The following MED12L variants were observed in gnomAD, a reference collection of about 807,000 sequenced individuals.
The protein encoded by MED12L is mediator complex subunit 12L.
MED12L carries 60 observed loss-of-function variants against 281.3 expected under a neutral mutation model. The ratio of observed to expected loss-of-function variants is 0.21; its 90% CI spans 0.17 to 0.26. The LOEUF (loss-of-function observed/expected upper bound fraction) is 0.26, where lower values mean the gene tolerates loss of function less well. Among genes scored for constraint, MED12L ranks in the 10% least tolerant of loss-of-function variants. The probability of loss-of-function intolerance (pLI) is 1.00; values close to 1 mark genes in which losing one functional copy is unlikely to be tolerated. For synonymous variants in MED12L, 974 were observed against 987.2 expected (o/e 0.99, Z 0.25); for missense variants, 2,146 against 2,680.9 (o/e 0.80, Z 4.41).
rs201616670 is a variant in MED12L at position 151,416,299 on chromosome 3, A to G, written c.6298-13A>G. 15 of 1,612,692 alleles carry G rather than the reference A, an allele frequency of 9.3e-6. No individual in the cohort carries two copies. The East Asian group carries it at 2.9e-4, about 31-fold the overall frequency. ...TTCCTTTTAAGTGTATAACATTTTT[A>G]CCCTCTTTCCAGATGCAGCAGCCCC... On this transcript the variant is annotated splice_polypyrimidine_tract_variant and intron_variant, in intron 42 of 44. Transcript: ENST00000687756.
chr3:151,348,374 A>G (rs1752812726), intron 16 of MED12L, among the ~76,000 whole-genome samples: 1 of 146,730 alleles, frequency 6.8e-6, no homozygotes, highest in African/African-American at 2.5e-5. Flanking sequence ...GAAAAAAGAA[A>G]TATATCAGTA....
chr3:151,198,272 A>G, intron 16 of MED12L: 2 of 555,074 alleles, frequency 3.6e-6, no homozygotes, highest in Non-Finnish European at 6.0e-6. Flanking sequence ...TGCATTTAGA[A>G]ACAGGATTTC....
chr3:151,350,256 C>G (rs1753056072), intron 17 of MED12L, 50 bp downstream of exon 17: 1 of 1,582,616 alleles, frequency 6.3e-7, no homozygotes. Flanking sequence ...TTTGCCTTCC[C>G]TCTGAGCACA....
At chr3:151,250,659 T>C (rs1736677704) in intron 16 of MED12L, among the ~76,000 whole-genome samples, 1 of 152,236 alleles carries the variant, frequency 6.6e-6, no homozygotes, top group African/African-American at 2.4e-5. Context: ...ACATTTTGTT[T>C]ATTCATCTGT....
At chr3:151,349,191 A>G (rs1213979925) in intron 16 of MED12L, among the ~76,000 whole-genome samples, 1 of 152,164 alleles carries the variant, frequency 6.6e-6, no homozygotes, top group Non-Finnish European at 1.5e-5. Flanking sequence ...TGGCTGAGGA[A>G]TGTGTTCAGT....
Position 151,156,104 on chromosome 3 carries a change from G to A in MED12L, c.557-57G>A, listed in dbSNP as rs1021389085. 6 of 1,399,406 alleles carry A rather than the reference G, an allele frequency of 4.3e-6. No individual in the cohort carries two copies. The African/African-American group carries it at 7.2e-5, about 17-fold the overall frequency. 86.7% of individuals were successfully genotyped at this position (1,399,406 alleles called of 1,614,324 possible). A position where few individuals can be genotyped will look rare whatever the true frequency, so the allele number is the denominator to read the frequency against. ...ATAATCAGAATGGGGAAGAAAACATGTAATTCTTGTACCCATTGTGTCTAG... is the reference window on the plus strand; with the variant it reads ...ATAATCAGAATGGGGAAGAAAACATATAATTCTTGTACCCATTGTGTCTAG... On this transcript the variant is annotated intron_variant, in intron 5 of 44. Coordinates refer to ENST00000687756, the MANE Select transcript of MED12L (RefSeq NM_001393769.1).
At chr3:151,106,884 C>T (rs1447796888) in intron 2 of MED12L, among the ~76,000 whole-genome samples, 1 of 152,128 alleles carries the variant, frequency 6.6e-6, no homozygotes, top group African/African-American at 2.4e-5. Flanking sequence ...TCATCCATTT[C>T]CTATCAACTT....
At chr3:151,420,259 G>A (rs1334498092) in intron 43 of MED12L, among the ~76,000 whole-genome samples, 1 of 152,108 alleles carries the variant, frequency 6.6e-6, no homozygotes, top group East Asian at 1.9e-4. Flanking sequence ...TTGATAGTCC[G>A]GGTCAGTCAC....
intron 16 of MED12L, among the ~76,000 whole-genome samples, chr3:151,274,327 G>A (rs1741492356): frequency 6.6e-6 from 1 of 152,178 alleles, no homozygotes; most frequent in South Asian, 2.1e-4. Context: ...ATCAAACTCA[G>A]TGATAACAGG....
intron 16 of MED12L, among the ~76,000 whole-genome samples, chr3:151,253,998 T>TG (rs1293402035): frequency 9.1e-6 from 1 of 109,914 alleles, no homozygotes; most frequent in Non-Finnish European, 2.0e-5. Context: ...GATTTTTTCT[T>TG]GTTTTTTTTT....
intron 16 of MED12L, chr3:151,329,030 C>A: frequency 6.6e-7 from 1 of 1,514,366 alleles, no homozygotes; most frequent in Non-Finnish European, 8.9e-7. Context: ...AACATATATA[C>A]AAACAAAAGA....
intron 27 of MED12L, 96 bp from the exon 28 acceptor site, chr3:151,375,930 T>C (rs1334875012): frequency 3.1e-6 from 2 of 644,994 alleles, no homozygotes; most frequent in East Asian, 6.6e-5. Flanking sequence ...TTCCTATCAG[T>C]TTTCTATTCA....
intron 16 of MED12L, among the ~76,000 whole-genome samples, chr3:151,219,893 C>A (rs1434601489): frequency 2.3e-4 from 1 of 4,402 alleles, no homozygotes; most frequent in African/African-American, 7.5e-4. Flanking sequence ...TTTATATTAC[C>A]CCCCCCCCCC....
In MED12L at chr3:151,363,097, C is replaced by T. The variant is rs113290237; in HGVS notation, c.2958-1882C>T. On this transcript the variant is annotated intron_variant, in intron 21 of 44. Transcript: ENST00000687756. ...GGTAATTCAAGTAACATGCGCTGGG[C>T]GTGGGGTGTGTGGAAATTTAGGGTA... Among the ~76,000 whole-genome samples the T allele has an allele frequency of 1.3e-4, 19 of 151,982 alleles. 2 individuals carry two copies. The highest frequency in any genetic ancestry group is 4.1e-4 in the South Asian group (2 of 4,820).
intron 32 of MED12L, among the ~76,000 whole-genome samples, chr3:151,381,733 A>G (rs866244404): frequency 2.0e-5 from 3 of 152,150 alleles, no homozygotes; most frequent in South Asian, 4.2e-4. Context: ...TCCCACTACT[A>G]TTATTTGAGC....
intron 16 of MED12L, chr3:151,269,597 CTACAT>C (rs1740498456): frequency 5.9e-6 from 2 of 339,100 alleles, no homozygotes; most frequent in Non-Finnish European, 1.1e-5. Flanking sequence ...CCACAAGTGT[CTACAT>C]TACTTGGGGA....
intron 16 of MED12L, among the ~76,000 whole-genome samples, chr3:151,262,470 T>C (rs1436656603): frequency 6.6e-6 from 1 of 152,118 alleles, no homozygotes. Context: ...CTGGCAACAG[T>C]GGGTGCCTGC....
intron 16 of MED12L, among the ~76,000 whole-genome samples, chr3:151,242,942 C>G (rs376930980): frequency 6.6e-6 from 1 of 151,400 alleles, no homozygotes; most frequent in East Asian, 1.9e-4. Flanking sequence ...GAGCTGAAAA[C>G]CAAGGCTCGA....
At chr3:151,197,458 A>G (rs1724830442) in intron 16 of MED12L, among the ~76,000 whole-genome samples, 1 of 152,080 alleles carries the variant, frequency 6.6e-6, no homozygotes, top group Admixed American at 6.5e-5. Flanking sequence ...GGAGTCACCT[A>G]TACTTTAAAC....
Sources: gnomAD v4.1 joint callset for allele counts (sites outside exome capture counted in the v4.1 genomes callset) on GRCh38, gnomAD v4.1.1 for gene constraint, MANE v1.5 for transcripts, NCBI Gene and HGNC (gene_info 2026-07-23, HGNC 2026-07-21) for gene names.